Variants in UTP18 observed in about 807,000 individuals in gnomAD.
The protein encoded by UTP18 is UTP18 small subunit processome component.
UTP18 carries 36 observed loss-of-function variants against 61.1 expected under a neutral mutation model. The ratio of observed to expected loss-of-function variants is 0.59; its 90% confidence interval spans 0.45 to 0.78. The LOEUF (loss-of-function observed/expected upper bound fraction) is 0.78, where lower values mean the gene tolerates loss of function less well. Ranked by LOEUF, UTP18 falls within the 30% of genes least tolerant of loss-of-function variation. The pLI, the probability that UTP18 is intolerant of heterozygous loss-of-function variation, is 0.00. For synonymous variants in UTP18, 282 were observed against 251.1 expected (o/e 1.12, Z -1.16); for missense variants, 753 against 693.9 (o/e 1.09, Z -0.96).
At chr17:51,279,919 A>G (rs941763312) in intron 7 of UTP18, 86 bp from the exon 8 acceptor site, 5 of 1,132,822 alleles carry the variant, frequency 4.4e-6, no homozygotes, top group Non-Finnish European at 6.3e-6. Context: ...CGTATTTTAA[A>G]AAGTAAGAAA....
chr17:51,268,985 C>T, intron 4 of UTP18, 81 bp downstream of exon 4: 4 of 1,418,642 alleles, frequency 2.8e-6, no homozygotes, highest in South Asian at 1.2e-5. Flanking sequence ...TTATGAGGCT[C>T]ATTAAAACCT....
intron 4 of UTP18, among the ~76,000 whole-genome samples, chr17:51,269,164 G>A (rs191607691): frequency 1.3e-5 from 2 of 151,988 alleles, no homozygotes; most frequent in Admixed American, 1.3e-4. Context: ...GTATGTTCCT[G>A]TAGTCCCGAC....
intron 9 of UTP18, among the ~76,000 whole-genome samples, chr17:51,283,238 G>A (rs1363493364): frequency 2.0e-5 from 3 of 149,500 alleles, no homozygotes; most frequent in Non-Finnish European, 3.0e-5. Context: ...GTGTGATCTC[G>A]CCTCACTGCA....
At chr17:51,280,599 A>T in intron 9 of UTP18, 120 bp downstream of exon 9, 1 of 860,556 alleles carries the variant, frequency 1.2e-6, no homozygotes, top group Non-Finnish European at 1.8e-6. Flanking sequence ...AGATCACTTG[A>T]GGTCAGCGGG....
intron 4 of UTP18, 74 bp from the exon 5 acceptor site, chr17:51,273,288 A>G: frequency 1.8e-6 from 2 of 1,097,452 alleles, no homozygotes; most frequent in Non-Finnish European, 2.6e-6. Flanking sequence ...AAATATATTC[A>G]TAGAAGTTTG....
chr17:51,264,695 T>A (rs2144392298), intron 2 of UTP18, among the ~76,000 whole-genome samples: 1 of 151,898 alleles, frequency 6.6e-6, no homozygotes, highest in African/African-American at 2.4e-5. Flanking sequence ...GTCTTCTTTT[T>A]TTTTTTTTTG....
In UTP18 at chr17:51,275,899, C is replaced by T; in HGVS notation, c.745C>T (p.Pro249Ser). The change falls in exon 6 of 14, where the codon CCT becomes TCT. Residue 249 changes from proline (P) to serine (S), a missense_variant. Physicochemically the swap from Pro to Ser is moderately conservative, Grantham distance 74 (BLOSUM62 -1). Coordinates refer to ENST00000225298, the MANE Select transcript of UTP18 (RefSeq NM_016001.3). ...KNCQHANAER[P>S]TVARISSVQF... ...CTGCCAGCATGCGAATGCTGAACGT[C>T]CTACTGTTGCTCGGATCTCATCTGT... The T allele has an allele frequency of 1.2e-6, 2 of 1,610,570 alleles. No individual in the cohort carries two copies.
intron 1 of UTP18, 126 bp from the exon 2 acceptor site, chr17:51,263,148 C>T (rs1184721367): frequency 5.4e-6 from 4 of 737,164 alleles, no homozygotes; most frequent in East Asian, 2.6e-5. Flanking sequence ...GGTAGCATTC[C>T]ATCCCATTAT....
At chr17:51,271,675 G>A (rs1040594801) in intron 4 of UTP18, among the ~76,000 whole-genome samples, 1 of 151,984 alleles carries the variant, frequency 6.6e-6, no homozygotes, top group Non-Finnish European at 1.5e-5. Flanking sequence ...AATTTTATTT[G>A]TTATTATTTT....
intron 3 of UTP18, 79 bp downstream of exon 3, chr17:51,266,359 G>A: frequency 2.0e-6 from 2 of 994,962 alleles, no homozygotes; most frequent in Non-Finnish European, 2.8e-6. Context: ...CGCTTCTTGT[G>A]TAGTTTTCCA....
Position 51,268,834 on chromosome 17 carries a change from T to TA in UTP18, c.555-2dup, listed in dbSNP as rs778041737. 5 of 1,613,552 alleles carry TA rather than the reference T, an allele frequency of 3.1e-6. No individual in the cohort carries two copies. In the African/African-American group the frequency reaches 5.3e-5, roughly 17 times the overall value. On this transcript the variant is annotated splice_polypyrimidine_tract_variant and splice_region_variant and intron_variant, in intron 3 of 13. Coordinates refer to ENST00000225298, the MANE Select transcript of UTP18 (RefSeq NM_016001.3). ...AATATATTTTTCAAATATTTTTGCTTAGATTCCAACATGCCATGGGAGGAG... is the reference window on the plus strand; with the variant it reads ...AATATATTTTTCAAATATTTTTGCTTAAGATTCCAACATGCCATGGGAGGAG...
chr17:51,291,874 C>A (rs781560012), intron 11 of UTP18, among the ~76,000 whole-genome samples: 9 of 152,150 alleles, frequency 5.9e-5, no homozygotes, highest in Non-Finnish European at 1.2e-4. Flanking sequence ...TGAGTGAATG[C>A]CTGAGGCCTA....
intron 11 of UTP18, among the ~76,000 whole-genome samples, chr17:51,289,181 A>AGACCTTTCT (rs1555556612): frequency 6.9e-6 from 1 of 144,450 alleles, no homozygotes; most frequent in African/African-American, 2.6e-5. Context: ...CCTTGTAAGC[A>AGACCTTTCT]GACCTTTCTG....
chr17:51,288,978 A>G (rs1257064955), intron 11 of UTP18, among the ~76,000 whole-genome samples: 1 of 152,236 alleles, frequency 6.6e-6, no homozygotes, highest in South Asian at 2.1e-4. Flanking sequence ...TTGGGACTTC[A>G]TATAGGGTAC....
At chr17:51,274,061 C>G (rs1904631390) in intron 5 of UTP18, among the ~76,000 whole-genome samples, 1 of 152,162 alleles carries the variant, frequency 6.6e-6, no homozygotes, top group African/African-American at 2.4e-5. Flanking sequence ...GGATCCTTAG[C>G]CTCATATCAG....
At chr17:51,268,673 G>A (rs146263688) in intron 3 of UTP18, among the ~76,000 whole-genome samples, 164 bp from the exon 4 acceptor site, 1 of 152,356 alleles carries the variant, frequency 6.6e-6, no homozygotes, top group African/African-American at 2.4e-5. Context: ...GGACTGTTCT[G>A]TGTGAGTAAA....
chr17:51,261,115 G>T (rs1351614343), intron 1 of UTP18, among the ~76,000 whole-genome samples, 189 bp downstream of exon 1: 7 of 152,368 alleles, frequency 4.6e-5, no homozygotes, highest in South Asian at 2.1e-4. Context: ...GACTGAAAGT[G>T]CCTGGAGGGC....
chr17:51,278,571 G>A (rs550494206), intron 7 of UTP18, among the ~76,000 whole-genome samples: 1 of 152,266 alleles, frequency 6.6e-6, no homozygotes, highest in East Asian at 1.9e-4. Context: ...TGGAGACATG[G>A]CATTGATCTT....
At chr17:51,271,675 GTTA>G (rs1011141211) in intron 4 of UTP18, among the ~76,000 whole-genome samples, 11 of 152,100 alleles carry the variant, frequency 7.2e-5, no homozygotes, top group Middle Eastern at 3.4e-3. Flanking sequence ...AATTTTATTT[GTTA>G]TTATTTTTTG....
Sources: allele counts gnomAD v4.1 joint callset (sites outside exome capture counted in the v4.1 genomes callset), GRCh38; gene constraint gnomAD v4.1.1; transcripts MANE v1.5; gene names NCBI Gene and HGNC (gene_info 2026-07-23, HGNC 2026-07-21).